APBB2: variants seen among roughly 807,000 people sequenced by gnomAD.
The protein encoded by APBB2 is amyloid beta precursor protein binding family B member 2, also known as Fe65-like 1.
In APBB2, 38 loss-of-function variants were observed where a neutral mutation model predicts 82.5. The observed-to-expected ratio is 0.46, with a 90% CI of 0.36 to 0.60. The LOEUF is 0.60. Among genes scored for constraint, APBB2 ranks in the 20% least tolerant of loss-of-function variants. The pLI is 0.00. For missense variants in APBB2, 772 were observed against 972.3 expected, an observed-to-expected ratio of 0.79 and a Z score of 2.74; for synonymous variants, 341 against 368.2, an observed-to-expected ratio of 0.93 and a Z score of 0.85.
intron 12 of APBB2, among the ~76,000 whole-genome samples, chr4:40,872,815 G>A (rs2154341496): frequency 6.6e-6 from 1 of 152,114 alleles, no homozygotes; most frequent in South Asian, 2.1e-4. Flanking sequence ...GCCGGGTGCA[G>A]TGGTTCACAC....
At chr4:40,905,101 G>C (rs1378461275) in intron 10 of APBB2, among the ~76,000 whole-genome samples, 1 of 152,160 alleles carries the variant, frequency 6.6e-6, no homozygotes, top group East Asian at 1.9e-4. Flanking sequence ...TCTACAAAGA[G>C]GACGGTCATG....
chr4:41,009,709 C>A (rs574030252), intron 6 of APBB2, among the ~76,000 whole-genome samples: 1 of 152,270 alleles, frequency 6.6e-6, no homozygotes, highest in African/African-American at 2.4e-5. Context: ...AGCAAGTCAA[C>A]AGACAACTAT....
chr4:41,196,933 C>T, intron 1 of APBB2, among the ~76,000 whole-genome samples: 2 of 151,266 alleles, frequency 1.3e-5, no homozygotes, highest in East Asian at 3.8e-4. Flanking sequence ...GGCACCACCA[C>T]GGAGGGTGTG....
chr4:41,086,225 G>C (rs576873630), intron 3 of APBB2, among the ~76,000 whole-genome samples: 12 of 152,220 alleles, frequency 7.9e-5, no homozygotes, highest in Admixed American at 3.9e-4. Flanking sequence ...CAGCTTCACA[G>C]CCGAATTCTA....
intron 3 of APBB2, among the ~76,000 whole-genome samples, chr4:41,093,449 AT>A (rs369142325): frequency 6.0e-5 from 9 of 151,146 alleles, no homozygotes; most frequent in East Asian, 5.8e-4. Flanking sequence ...GTGGATAAGG[AT>A]TTTTTTTTTC....
chr4:41,209,715 C>T (rs2154081684), intron 1 of APBB2, among the ~76,000 whole-genome samples: 1 of 152,278 alleles, frequency 6.6e-6, no homozygotes, highest in Non-Finnish European at 1.5e-5. Context: ...TACACTTTAC[C>T]CAAATCTAAT....
chr4:41,074,033 G>A (rs533931107), intron 3 of APBB2, among the ~76,000 whole-genome samples: 8 of 152,192 alleles, frequency 5.3e-5, no homozygotes, highest in Non-Finnish European at 1.2e-4. Context: ...GGCTGAGGCA[G>A]GAGGATTGCT....
intron 2 of APBB2, among the ~76,000 whole-genome samples, chr4:41,138,455 A>G (rs1327286657): frequency 6.6e-6 from 1 of 152,184 alleles, no homozygotes; most frequent in Non-Finnish European, 1.5e-5. Context: ...AGAGACTAGA[A>G]GAAAATATGT....
chr4:41,062,302 A>G (rs533079489), intron 4 of APBB2, among the ~76,000 whole-genome samples: 3 of 151,878 alleles, frequency 2.0e-5, no homozygotes, highest in Admixed American at 2.0e-4. Flanking sequence ...CCTCTCTCGT[A>G]GCTGGCATTA....
At chr4:41,104,390 A>G (rs183692199) in intron 2 of APBB2, among the ~76,000 whole-genome samples, 1 of 152,210 alleles carries the variant, frequency 6.6e-6, no homozygotes, top group South Asian at 2.1e-4. Context: ...TCAAGGGCCA[A>G]TTTGGGACAA....
intron 6 of APBB2, among the ~76,000 whole-genome samples, chr4:40,984,314 A>G (rs1799849885): frequency 6.6e-6 from 1 of 152,226 alleles, no homozygotes; most frequent in South Asian, 2.1e-4. Flanking sequence ...CTGAGCCCAG[A>G]GTCGGTTACC....
chr4:40,992,833 C>T (rs954642960), intron 6 of APBB2, among the ~76,000 whole-genome samples: 4 of 152,148 alleles, frequency 2.6e-5, no homozygotes, highest in African/African-American at 4.8e-5. Flanking sequence ...CAAGCCAAAC[C>T]ACAGGGCCGG....
chr4:41,181,942 CAAAAAAAA>C (rs35142945), intron 1 of APBB2, among the ~76,000 whole-genome samples: 48 of 93,900 alleles, frequency 5.1e-4, no homozygotes, highest in African/African-American at 1.4e-3. Context: ...GAAACTGTCT[CAAAAAAAA>C]AAAAAAAAAA....
chr4:41,114,761 A>G (rs1224519095), intron 2 of APBB2, among the ~76,000 whole-genome samples: 1 of 152,222 alleles, frequency 6.6e-6, no homozygotes, highest in Non-Finnish European at 1.5e-5. Flanking sequence ...AATCCAACTT[A>G]CAAGGGATGT....
At chr4:41,205,502 G>A (rs918621384) in intron 1 of APBB2, among the ~76,000 whole-genome samples, 4 of 152,218 alleles carry the variant, frequency 2.6e-5, no homozygotes, top group Middle Eastern at 3.4e-3. Flanking sequence ...TGGGAAAAAA[G>A]GGATGAAAGG....
chr4:41,059,867 TG>T (rs1300406402), intron 4 of APBB2, among the ~76,000 whole-genome samples: 1 of 151,936 alleles, frequency 6.6e-6, no homozygotes, highest in Non-Finnish European at 1.5e-5. Context: ...CTAGTGCCGC[TG>T]GGTTAGAGTC....
intron 1 of APBB2, among the ~76,000 whole-genome samples, chr4:41,195,349 T>C: frequency 6.6e-6 from 1 of 152,186 alleles, no homozygotes; most frequent in Admixed American, 6.5e-5. Flanking sequence ...ATCCTCAGAA[T>C]TGTCCTTGAC....
intron 10 of APBB2, among the ~76,000 whole-genome samples, chr4:40,902,160 T>TA: frequency 6.6e-6 from 1 of 152,182 alleles, no homozygotes. Context: ...TCATTTCTCT[T>TA]AAAGCTGGAG....
At chr4:40,890,219 A>T in intron 12 of APBB2, 145 bp downstream of exon 12, 1 of 1,132,168 alleles carries the variant, frequency 8.8e-7, no homozygotes, top group Non-Finnish European at 1.2e-6. Context: ...GCAGGGAACT[A>T]GAGACAAGCT....
Sources: gnomAD v4.1 joint callset for allele counts (sites outside exome capture counted in the v4.1 genomes callset) on GRCh38, gnomAD v4.1.1 for gene constraint, MANE v1.5 for transcripts, NCBI Gene and HGNC (gene_info 2026-07-23, HGNC 2026-07-21) for gene names.